The following KIAA0408 variants were observed in gnomAD, a reference collection of about 807,000 sequenced individuals.
KIAA0408 encodes the protein uncharacterized protein KIAA0408.
KIAA0408 carries 51 observed loss-of-function variants against 60.9 expected under a neutral mutation model. The ratio of observed to expected loss-of-function variants is 0.84; its 90% CI spans 0.67 to 1.06. The LOEUF is 1.06. Among genes scored for constraint, KIAA0408 ranks in the 50% least tolerant of loss-of-function variants. The pLI, the probability that KIAA0408 is intolerant of heterozygous loss-of-function variation, is 0.00. For missense variants in KIAA0408, 787 were observed against 833.9 expected (o/e 0.94, Z 0.69); for synonymous variants, 304 against 282.4 (o/e 1.08, Z -0.77).
At position 127,440,050 on chromosome 6, in the gene KIAA0408, A is replaced by G. The variant is rs1370173287; in HGVS notation, c.*4059T>C. 1 of 152,182 alleles carries G rather than the reference A, an allele frequency of 6.6e-6. No individual in the cohort carries two copies. Among genetic ancestry groups the G allele is most frequent in the Non-Finnish European group, 1.5e-5 (1 of 68,040 alleles). The allele number at this position is 152,182 out of a possible 1,614,324, so 9.4% of individuals were successfully genotyped here. A position where few individuals can be genotyped will look rare whatever the true frequency, so the allele number is the denominator to read the frequency against. On this transcript the variant is annotated 3_prime_UTR_variant, in exon 6 of 6. Coordinates refer to ENST00000483725, the MANE Select transcript of KIAA0408 (RefSeq NM_014702.5). ...TAGATTTCTCCATAGCTTCATATAA[A>G]CAGATTTTTTTCCTAAGAATTTGTT... is the stretch of plus-strand genomic sequence containing the variant.
intron 5 of KIAA0408, 122 bp from the exon 6 acceptor site, chr6:127,444,404 A>T: frequency 1.3e-6 from 1 of 746,222 alleles, no homozygotes; most frequent in East Asian, 3.0e-5. Context: ...AAAGCATTGA[A>T]AACTAAAGAA....
intron 4 of KIAA0408, 70 bp downstream of exon 4, chr6:127,449,752 T>G: frequency 6.3e-7 from 1 of 1,590,896 alleles, no homozygotes; most frequent in Non-Finnish European, 8.6e-7. Flanking sequence ...GGAGGCAGTT[T>G]GGAGTCATTA....
chr6:127,451,426 C>T (rs371411403), intron 2 of KIAA0408: 5 of 402,238 alleles, frequency 1.2e-5, no homozygotes, highest in Middle Eastern at 3.6e-4. Context: ...ATTGTTTGGT[C>T]CCTGCCAAAT....
rs780291485 is a variant in KIAA0408, at chr6:127,447,621, TTC to T, written c.696_697del (p.Asn234GlnfsTer21). Reference sequence around the variant, plus strand: ...GGTACAGCTCAGATTCTTCCTGTTTTTCTGTTTTTCTTTTTCTAAACTGATTG... The same window carrying T: ...GGTACAGCTCAGATTCTTCCTGTTTTTGTTTTTCTTTTTCTAAACTGATTG... On this transcript the variant is annotated frameshift_variant, in exon 5 of 6. Transcript: ENST00000483725. LOFTEE classifies it high-confidence loss of function. 6.2e-7 allele frequency: 1 copy of T among 1,612,846 alleles called. No homozygotes were observed. Among genetic ancestry groups the T allele is most frequent in the Non-Finnish European group, 8.5e-7 (1 of 1,179,652 alleles).
In KIAA0408 at chr6:127,446,661, G is replaced by A. The variant is rs1773200877; in HGVS notation, c.1658C>T (p.Ser553Leu). ...RPSNLSGRPR[S>L]ADPRSNYGVV... is the part of the protein sequence containing the mutation. ...ACCATAATTTGACCTGGGATCAGCT[G>A]ACCTCGGACGGCCAGACAAATTACT... is the stretch of plus-strand genomic sequence containing the variant. The change falls in exon 5 of 6, where the codon TCA (serine) becomes TTA (leucine). Residue 553 changes from serine (S) to leucine (L), a missense_variant. Coordinates refer to ENST00000483725, the MANE Select transcript of KIAA0408 (RefSeq NM_014702.5). 1 of 1,613,820 alleles carries A rather than the reference G, an allele frequency of 6.2e-7. No homozygotes were observed. The highest frequency in any genetic ancestry group is 8.5e-7 in the Non-Finnish European group (1 of 1,179,986).
chr6:127,446,291 TAAG>T (rs1773191804), intron 5 of KIAA0408, 114 bp downstream of exon 5: 2 of 1,494,890 alleles, frequency 1.3e-6, no homozygotes, highest in Non-Finnish European at 1.8e-6. Flanking sequence ...GTCAAGAGGC[TAAG>T]AAGAGTCCAA....
intron 1 of KIAA0408, among the ~76,000 whole-genome samples, chr6:127,455,162 G>C (rs564904785): frequency 6.6e-6 from 1 of 151,990 alleles, no homozygotes; most frequent in East Asian, 1.9e-4. Flanking sequence ...CCTTTTTAGG[G>C]GGTAGAAAAG....
At chr6:127,453,736 C>T in intron 2 of KIAA0408, 111 bp downstream of exon 2, 2 of 1,378,394 alleles carry the variant, frequency 1.5e-6, no homozygotes, top group Non-Finnish European at 9.7e-7. Context: ...GAGAAATGTA[C>T]CTCTTAGGTC....
chr6:127,454,193 T>C, intron 1 of KIAA0408, 92 bp from the exon 2 acceptor site: 1 of 1,194,272 alleles, frequency 8.4e-7, no homozygotes, highest in East Asian at 3.4e-5. Context: ...ATAAACAAAC[T>C]ATAGGAAAAT....
intron 4 of KIAA0408, 118 bp downstream of exon 4, chr6:127,449,704 G>A: frequency 7.5e-7 from 1 of 1,340,670 alleles, no homozygotes; most frequent in Admixed American, 2.2e-5. Context: ...ACCCTAGATA[G>A]TACATTTTAA....
chr6:127,444,363 A>T, intron 5 of KIAA0408, 81 bp from the exon 6 acceptor site: 5 of 1,052,304 alleles, frequency 4.8e-6, no homozygotes, highest in Non-Finnish European at 6.6e-6. Context: ...CAACTATAAG[A>T]TTAGTCCGTT....
intron 4 of KIAA0408, among the ~76,000 whole-genome samples, chr6:127,448,133 T>C (rs1475968137): frequency 6.6e-6 from 1 of 152,232 alleles, no homozygotes; most frequent in Non-Finnish European, 1.5e-5. Flanking sequence ...TTATTCATTA[T>C]GTAATGTGAG....
intron 2 of KIAA0408, chr6:127,451,433 A>G: frequency 2.5e-6 from 1 of 394,326 alleles, no homozygotes; most frequent in Non-Finnish European, 5.1e-6. Context: ...GGTCCCTGCC[A>G]AATTATTTGT....
rs975105667 is a variant in KIAA0408, at chr6:127,447,083, G to C, written c.1236C>G (p.Ser412Arg). The stretch of plus-strand genomic sequence containing the variant: ...GGCTACTGCTCTCTGCTACTGAGGA[G>C]CTACAGTCATTACTTACATGAAGAT... ...HPDLHVSNDC[S>R]SSVAESSSPL... Residue 412 changes from serine (S) to arginine (R), a missense_variant, in exon 5 of 6, where the codon AGC becomes AGG. Physicochemically the swap from Ser to Arg is moderately radical, Grantham distance 110. Around this residue, in one of 3 missense-constraint regions of KIAA0408, gnomAD observed 640 missense variants for 681.3 expected, o/e 0.94. Coordinates refer to ENST00000483725, the MANE Select transcript of KIAA0408 (RefSeq NM_014702.5). The C allele has an allele frequency of 8.7e-6, 14 of 1,613,854 alleles. No homozygotes were observed. Among genetic ancestry groups the C allele is most frequent in the African/African-American group, 1.3e-5 (1 of 75,028 alleles).
chr6:127,457,311 A>T (rs925330256), intron 1 of KIAA0408, among the ~76,000 whole-genome samples: 1 of 152,186 alleles, frequency 6.6e-6, no homozygotes, highest in Non-Finnish European at 1.5e-5. Context: ...CAGCAGATTC[A>T]AAAACTCAAT....
chr6:127,440,705 T>G lies in KIAA0408; in HGVS notation c.*3404A>C, dbSNP rs1423294424. 1 of 148,884 alleles carries G rather than the reference T, an allele frequency of 6.7e-6. No homozygotes were observed. The highest frequency in any genetic ancestry group is 1.5e-5 in the Non-Finnish European group (1 of 66,806). 9.2% of individuals were successfully genotyped at this position (148,884 alleles called of 1,614,324 possible). On this transcript the variant is annotated 3_prime_UTR_variant, in exon 6 of 6. Coordinates refer to ENST00000483725, the MANE Select transcript of KIAA0408 (RefSeq NM_014702.5). Reference sequence around the variant, plus strand: ...AGCAAATAGTACTGTAATAAAAAAATCTGATTTTCCTGAAAATGGTTTAAT... The same window carrying G: ...AGCAAATAGTACTGTAATAAAAAAAGCTGATTTTCCTGAAAATGGTTTAAT...
Position 127,446,875 on chromosome 6 carries a change from T to C in KIAA0408, c.1444A>G (p.Thr482Ala), listed in dbSNP as rs907335755. 3.1e-6 allele frequency: 5 copies of C among 1,613,942 alleles called. No individual in the cohort carries two copies. Among genetic ancestry groups the C allele is most frequent in the African/African-American group, 2.7e-5 (2 of 74,920 alleles). Residue 482 changes from threonine (T) to alanine (A), a missense_variant, in exon 5 of 6, where the codon ACA becomes GCA. Physicochemically the swap from Thr to Ala is moderately conservative, Grantham distance 58. This residue lies in a region of KIAA0408 where 640 missense variants were observed against 681.3 expected (regional missense o/e 0.94). Coordinates refer to ENST00000483725, the MANE Select transcript of KIAA0408 (RefSeq NM_014702.5). Reference sequence around the variant, plus strand: ...TCGTTACTTTGTGATATGCTACCTGTGTGAGTAGATGAGGTATCACAGGGC... The same window carrying C: ...TCGTTACTTTGTGATATGCTACCTGCGTGAGTAGATGAGGTATCACAGGGC... ...LKPCDTSSTHTGSISQSNDVS... is the reference protein window; with the variant it reads ...LKPCDTSSTHAGSISQSNDVS...
At chr6:127,449,255 G>T (rs577142650) in intron 4 of KIAA0408, among the ~76,000 whole-genome samples, 1 of 152,200 alleles carries the variant, frequency 6.6e-6, no homozygotes, top group Non-Finnish European at 1.5e-5. Context: ...TTTATGGAGG[G>T]TCTACCTTAA....
At chr6:127,444,754 GC>G (rs1303383102) in intron 5 of KIAA0408, among the ~76,000 whole-genome samples, 2 of 150,516 alleles carry the variant, frequency 1.3e-5, no homozygotes, top group Non-Finnish European at 2.9e-5. Flanking sequence ...TTAATCTGAT[GC>G]TTTTTTTTTT....
Sources: allele counts gnomAD v4.1 joint callset (sites outside exome capture counted in the v4.1 genomes callset), GRCh38; gene constraint gnomAD v4.1.1; regional missense constraint gnomAD v4.1.1; transcripts MANE v1.5; gene names NCBI Gene and HGNC (gene_info 2026-07-23, HGNC 2026-07-21).